PUM1: variants seen among roughly 807,000 people sequenced by gnomAD.
The protein encoded by PUM1 is pumilio RNA binding family member 1, also known as pumilio homolog 1.
A neutral mutation model predicts 131.8 loss-of-function variants in PUM1; 13 were observed. The ratio of observed to expected loss-of-function variants is 0.10; its 90% CI spans 0.06 to 0.16. The LOEUF (loss-of-function observed/expected upper bound fraction) is 0.16. Ranked by LOEUF, PUM1 falls within the 10% of genes least tolerant of loss-of-function variation. The pLI, the probability that PUM1 is intolerant of heterozygous loss-of-function variation, is 1.00. For synonymous variants in PUM1, 509 were observed against 556.5 expected (o/e 0.91, Z 1.20); for missense variants, 961 against 1,512.4 (o/e 0.64, Z 6.05).
intron 5 of PUM1, among the ~76,000 whole-genome samples, chr1:30,999,251 T>A (rs1343474452): frequency 6.6e-6 from 1 of 152,124 alleles, no homozygotes; most frequent in Non-Finnish European, 1.5e-5. Context: ...CCTCCTGCCT[T>A]GGTCTCCCAA....
At chr1:31,051,367 A>G (rs995031334) in intron 2 of PUM1, among the ~76,000 whole-genome samples, 2 of 151,228 alleles carry the variant, frequency 1.3e-5, no homozygotes, top group African/African-American at 4.9e-5. Flanking sequence ...GCAATGGCAC[A>G]ATCTCGGCTC....
chr1:30,980,298 A>T, intron 8 of PUM1, 135 bp from the exon 9 acceptor site: 1 of 701,472 alleles, frequency 1.4e-6, no homozygotes, highest in Non-Finnish European at 2.5e-6. Context: ...GGACAGGTTG[A>T]GGGTAAAGAG....
chr1:30,949,488 C>CT (rs1383934982), intron 17 of PUM1, among the ~76,000 whole-genome samples: 1 of 148,106 alleles, frequency 6.8e-6, no homozygotes, highest in Non-Finnish European at 1.5e-5. Flanking sequence ...TCCTTCTTCC[C>CT]TGTCTAACTC....
chr1:31,032,093 T>A (rs1643451152), intron 2 of PUM1, among the ~76,000 whole-genome samples: 1 of 152,216 alleles, frequency 6.6e-6, no homozygotes. Context: ...GTTTTGCTAG[T>A]GCAGAAACTA....
intron 14 of PUM1, among the ~76,000 whole-genome samples, chr1:30,957,003 C>T (rs538452811): frequency 3.8e-4 from 57 of 151,716 alleles, no homozygotes; most frequent in Non-Finnish European, 5.4e-4. Context: ...CCTACAAAAA[C>T]GGTTAATACA....
At chr1:30,977,310 G>T (rs1450855808) in intron 9 of PUM1, among the ~76,000 whole-genome samples, 2 of 152,122 alleles carry the variant, frequency 1.3e-5, no homozygotes, top group African/African-American at 4.8e-5. Context: ...TCAGATTAGG[G>T]ATGCTCAACC....
intron 7 of PUM1, chr1:30,982,124 C>T (rs1641380604): frequency 6.6e-6 from 1 of 152,148 alleles, no homozygotes; most frequent in African/African-American, 2.4e-5. Context: ...AACACAGCAG[C>T]TACTAACAAA....
intron 5 of PUM1, among the ~76,000 whole-genome samples, 154 bp downstream of exon 5, chr1:31,005,699 A>G (rs1015766985): frequency 6.6e-6 from 1 of 152,130 alleles, no homozygotes; most frequent in African/African-American, 2.4e-5. Context: ...GCTGAGTTCT[A>G]TTTACAACAA....
chr1:30,983,757 C>CT lies in PUM1; in HGVS notation c.1159-2353_1159-2352insA, dbSNP rs1557569909. 3.8e-4 allele frequency among the ~76,000 whole-genome samples: 46 copies of CT among 121,114 alleles called. 1 individual carries two copies. Among genetic ancestry groups the CT allele is most frequent in the African/African-American group, 1.6e-3 (45 of 28,238 alleles). The allele number at this position is 121,114 out of a possible 152,430, so 79.5% of individuals were successfully genotyped here. A position where few individuals can be genotyped will look rare whatever the true frequency, so the allele number is the denominator to read the frequency against. ...TAGCTGCGCATGTCACCACGCCTGG[C>CT]ATTTTTTTTTTTTTTTTTTTGAACT... On this transcript the variant is annotated intron_variant, in intron 7 of 21. Coordinates refer to ENST00000426105, the MANE Select transcript of PUM1 (RefSeq NM_001020658.2).
intron 7 of PUM1, among the ~76,000 whole-genome samples, chr1:30,988,194 C>A (rs181635841): frequency 6.6e-6 from 1 of 152,214 alleles, no homozygotes; most frequent in East Asian, 1.9e-4. Flanking sequence ...ATAAATAAAC[C>A]TTACAAGGGT....
At chr1:30,943,267 T>C (rs1639534823) in intron 18 of PUM1, among the ~76,000 whole-genome samples, 1 of 152,144 alleles carries the variant, frequency 6.6e-6, no homozygotes, top group Non-Finnish European at 1.5e-5. Context: ...CAAAGAATTT[T>C]TTTTTTTTTT....
chr1:31,009,308 C>T (rs1642509881), intron 3 of PUM1, among the ~76,000 whole-genome samples: 2 of 152,166 alleles, frequency 1.3e-5, no homozygotes, highest in South Asian at 4.2e-4. Flanking sequence ...AAAGCAACTA[C>T]TCTTTTGTAT....
chr1:31,039,367 C>T (rs1181196969), intron 2 of PUM1, among the ~76,000 whole-genome samples: 7 of 151,698 alleles, frequency 4.6e-5, no homozygotes, highest in African/African-American at 7.3e-5. Flanking sequence ...GGACTACAGG[C>T]GCCTGATACC....
At chr1:31,050,476 AAAAG>A (rs1202857363) in intron 2 of PUM1, among the ~76,000 whole-genome samples, 1 of 152,040 alleles carries the variant, frequency 6.6e-6, no homozygotes, top group Non-Finnish European at 1.5e-5. Flanking sequence ...TGTCTCAAAA[AAAAG>A]AAAAAGTTAT....
At chr1:30,977,641 T>G (rs1641192552) in intron 9 of PUM1, among the ~76,000 whole-genome samples, 1 of 152,228 alleles carries the variant, frequency 6.6e-6, no homozygotes, top group African/African-American at 2.4e-5. Context: ...TTTTAACAGT[T>G]AACATTTCCT....
intron 2 of PUM1, chr1:31,036,869 T>C (rs181310596): frequency 2.6e-5 from 4 of 153,780 alleles, no homozygotes; most frequent in Non-Finnish European, 4.4e-5. Flanking sequence ...CTGATAGCTA[T>C]AATGAAGAAG....
intron 2 of PUM1, among the ~76,000 whole-genome samples, chr1:31,039,006 T>TTTTTTTC (rs1643731459): frequency 8.4e-6 from 1 of 118,556 alleles, no homozygotes; most frequent in African/African-American, 3.3e-5. Flanking sequence ...TTTTTCCTTT[T>TTTTTTTC]CTCTTTTTGA....
chr1:30,995,986 A>C (rs1216497093), intron 5 of PUM1, among the ~76,000 whole-genome samples: 1 of 152,232 alleles, frequency 6.6e-6, no homozygotes, highest in African/African-American at 2.4e-5. Context: ...TGTTAAATTG[A>C]AGCATTTGAT....
intron 20 of PUM1, among the ~76,000 whole-genome samples, chr1:30,938,157 G>A (rs954610352): frequency 4.6e-5 from 7 of 152,160 alleles, no homozygotes; most frequent in South Asian, 4.2e-4. Flanking sequence ...CTTCTGCCTC[G>A]GCCTTCCAAC....
Sources: allele counts gnomAD v4.1 joint callset (sites outside exome capture counted in the v4.1 genomes callset), GRCh38; gene constraint gnomAD v4.1.1; transcripts MANE v1.5; gene names NCBI Gene and HGNC (gene_info 2026-07-23, HGNC 2026-07-21).